RTEL1: variants seen among roughly 807,000 people sequenced by gnomAD.
RTEL1 encodes regulator of telomere length.
In RTEL1, 86 loss-of-function variants were observed where a neutral mutation model predicts 162.2. The ratio of observed to expected loss-of-function variants is 0.53; its 90% CI spans 0.45 to 0.63. The LOEUF (loss-of-function observed/expected upper bound fraction) is 0.63. Among genes scored for constraint, RTEL1 ranks in the 30% least tolerant of loss-of-function variants. The pLI is 0.00. For synonymous variants in RTEL1, 958 were observed against 717.9 expected (o/e 1.33, Z -5.35); for missense variants, 1,941 against 1,750.2 (o/e 1.11, Z -1.95).
intron 10 of RTEL1, among the ~76,000 whole-genome samples, chr20:63,676,047 A>G (rs901321834): frequency 4.6e-5 from 7 of 151,756 alleles, no homozygotes; most frequent in African/African-American, 1.5e-4. Flanking sequence ...TCAGGACCAG[A>G]ACTTCAGTTT....
Position 63,685,769 on chromosome 20 carries a change from C to T in RTEL1, c.1267-22C>T, listed in dbSNP as rs765962214. On this transcript the variant is annotated intron_variant, in intron 15 of 34. Coordinates refer to ENST00000360203, the MANE Select transcript of RTEL1 (RefSeq NM_001283009.2). Reference sequence around the variant, plus strand: ...CCAGGACATGGGCGGGGCCTCCACACTCCTGGTCCTGTCCCCTCCAGGTGC... The same window carrying T: ...CCAGGACATGGGCGGGGCCTCCACATTCCTGGTCCTGTCCCCTCCAGGTGC... The T allele has an allele frequency of 3.7e-6, 6 of 1,609,290 alleles. No homozygotes were observed. In the Admixed American group the frequency reaches 1.0e-4, roughly 27 times the overall value.
At chr20:63,695,005 TG>T (rs1299717489) in intron 32 of RTEL1, 31 bp downstream of exon 32, 2 of 1,609,164 alleles carry the variant, frequency 1.2e-6, no homozygotes, top group Admixed American at 3.3e-5. Flanking sequence ...GAACAGCCGG[TG>T]GGGTGGGGGG....
chr20:63,673,894 C>G (rs751636431), intron 9 of RTEL1, 46 bp from the exon 10 acceptor site: 1 of 1,547,870 alleles, frequency 6.5e-7, no homozygotes, highest in Non-Finnish European at 8.8e-7. Flanking sequence ...CTGGAACCCC[C>G]GATCCTGTCC....
At position 63,659,474 on chromosome 20, in the gene RTEL1, C is replaced by T. The variant is rs1424161739; in HGVS notation, c.72C>T (p.Tyr24=). ...PFQPYKCQQE[Y]MTKVLECLQQ... ...AGCCCTACAAATGCCAACAGGAGTACATGACCAAGGTCCTGGAATGTCTGC... is the reference window on the plus strand; with the variant it reads ...AGCCCTACAAATGCCAACAGGAGTATATGACCAAGGTCCTGGAATGTCTGC... The change falls in exon 2 of 35, where the codon TAC becomes TAT. Residue 24 remains tyrosine, a synonymous_variant. Transcript: ENST00000360203. The T allele has an allele frequency of 1.9e-6, 3 of 1,613,934 alleles. No individual in the cohort carries two copies.
chr20:63,693,374 G>A, intron 30 of RTEL1, 91 bp downstream of exon 30: 3 of 1,481,888 alleles, frequency 2.0e-6, no homozygotes, highest in Non-Finnish European at 1.8e-6. Flanking sequence ...GCATCCTCGG[G>A]CCCTGCTTGG....
chr20:63,693,097 C>G (rs2090799741), intron 29 of RTEL1, 46 bp from the exon 30 acceptor site: 3 of 1,611,882 alleles, frequency 1.9e-6, no homozygotes, highest in Non-Finnish European at 2.5e-6. Flanking sequence ...TCTCTGTTCT[C>G]TAGAGAAAAA....
intron 10 of RTEL1, among the ~76,000 whole-genome samples, chr20:63,674,943 T>C (rs926445264): frequency 1.3e-5 from 2 of 152,126 alleles, no homozygotes; most frequent in Middle Eastern, 3.4e-3. Context: ...GTTTCACTTT[T>C]GTTGCCCAGG....
Position 63,678,168 on chromosome 20 carries a change from A to G in RTEL1, c.943A>G (p.Ile315Val), listed in dbSNP as rs2090394752. ...SPGLNMELED[I>V]AKLKMILLRL... ...AGGGCTGAACATGGAGCTGGAAGAC[A>G]TTGCAAAGCTGAAGAGTAAGTGTTG... is the stretch of plus-strand genomic sequence containing the variant. Residue 315 changes from isoleucine to valine, a missense_variant, in exon 11 of 35, where the codon ATT becomes GTT. Coordinates refer to ENST00000360203, the MANE Select transcript of RTEL1 (RefSeq NM_001283009.2). 1 of 1,613,948 alleles carries G rather than the reference A, an allele frequency of 6.2e-7. No homozygotes were observed. The highest frequency in any genetic ancestry group is 8.5e-7 in the Non-Finnish European group (1 of 1,179,936).
chr20:63,694,815 G>A lies in RTEL1; in HGVS notation c.3184G>A (p.Ala1062Thr), dbSNP rs773397014. The A allele has an allele frequency of 2.6e-5, 42 of 1,612,342 alleles. No homozygotes were observed. Among genetic ancestry groups the A allele is most frequent in the Admixed American group, 1.5e-4 (9 of 59,984 alleles). Reference protein sequence around the residue: ...AGKQGQHAVSAYLADARRALG... With the variant: ...AGKQGQHAVSTYLADARRALG... ...GAAGCAGGGCCAGCACGCCGTGAGCGCCTACCTGGCTGATGCCCGCAGGGC... is the reference window on the plus strand; with the variant it reads ...GAAGCAGGGCCAGCACGCCGTGAGCACCTACCTGGCTGATGCCCGCAGGGC... Residue 1062 changes from alanine to threonine, a missense_variant, in exon 32 of 35, where the codon GCC (alanine) becomes ACC (threonine). Physicochemically the swap from Ala to Thr is moderately conservative, Grantham distance 58. Transcript: ENST00000360203.
chr20:63,659,633 G>A (rs2089978003), intron 2 of RTEL1, 129 bp downstream of exon 2: 1 of 728,856 alleles, frequency 1.4e-6, no homozygotes, highest in South Asian at 1.5e-5. Context: ...TCATAAAAAG[G>A]GCTGGTGTTC....
rs1285014916 is a variant in RTEL1 at position 63,693,243 on chromosome 20, TC to T, written c.2956del (p.Arg986GlufsTer21). The T allele has an allele frequency of 6.2e-7, 1 of 1,611,906 alleles. No homozygotes were observed. ...GCGYRPEHSI[P>X]RRQRAQPVLD... Reference sequence around the variant, plus strand: ...GTGGCTATCGGCCTGAGCACAGCATTCCCCGAAGGCAGCGGGCACAGCCGGT... The same window carrying T: ...GTGGCTATCGGCCTGAGCACAGCATTCCCGAAGGCAGCGGGCACAGCCGGT... On this transcript the variant is annotated frameshift_variant, in exon 30 of 35. Coordinates refer to ENST00000360203, the MANE Select transcript of RTEL1 (RefSeq NM_001283009.2). LOFTEE classifies it high-confidence loss of function.
At position 63,688,326 on chromosome 20, in the gene RTEL1, T is replaced by C; in HGVS notation, c.1662T>C (p.Tyr554=). The C allele has an allele frequency of 1.2e-6, 2 of 1,612,576 alleles. No individual in the cohort carries two copies. Among genetic ancestry groups the C allele is most frequent in the Non-Finnish European group, 1.7e-6 (2 of 1,179,958 alleles). ...ALGNIARVVP[Y]GLLIFFPSYP... is the part of the protein sequence containing the mutation. ...GCAACATCGCCCGCGTGGTGCCCTA[T>C]GGGCTCCTGATCTTCTTCCCTTCCT... The change falls in exon 20 of 35, where the codon TAT becomes TAC. Residue 554 remains tyrosine (Y), a synonymous_variant. Coordinates refer to ENST00000360203, the MANE Select transcript of RTEL1 (RefSeq NM_001283009.2).
intron 14 of RTEL1, chr20:63,681,666 A>ACGCAGCTCTGAG (rs2090480111): frequency 2.0e-6 from 2 of 985,152 alleles, no homozygotes. Flanking sequence ...TCCTTCACAG[A>ACGCAGCTCTGAG]CGCAGCTCTG....
chr20:63,694,714 C>G, intron 31 of RTEL1, 27 bp from the exon 32 acceptor site: 1 of 1,565,508 alleles, frequency 6.4e-7, no homozygotes, highest in South Asian at 1.1e-5. Context: ...CCCAGCGCCA[C>G]TCTGAGCCAT....
chr20:63,689,999 C>A, intron 24 of RTEL1, 88 bp from the exon 25 acceptor site: 3 of 1,567,986 alleles, frequency 1.9e-6, no homozygotes, highest in South Asian at 2.3e-5. Context: ...AGCGTGGGGC[C>A]CCTGCAGCAG....
intron 7 of RTEL1, among the ~76,000 whole-genome samples, chr20:63,666,902 C>CAT (rs1569084683): frequency 5.6e-5 from 8 of 142,148 alleles, no homozygotes; most frequent in African/African-American, 1.6e-4. Context: ...TGCAGTGGTG[C>CAT]GATCTCGGCT....
At chr20:63,665,901 C>T (rs1164219279) in intron 6 of RTEL1, 103 bp from the exon 7 acceptor site, 2 of 1,063,474 alleles carry the variant, frequency 1.9e-6, no homozygotes, top group Admixed American at 4.6e-5. Context: ...GGACGCCCAG[C>T]CCTGCCCGCC....
In RTEL1 at chr20:63,667,554, G is replaced by A; in HGVS notation, c.699+1G>A. The A allele has an allele frequency of 6.2e-7, 1 of 1,613,164 alleles. No individual in the cohort carries two copies. The highest frequency in any genetic ancestry group is 8.5e-7 in the Non-Finnish European group (1 of 1,179,184). On this transcript the variant is annotated splice_donor_variant, in intron 8 of 34. Transcript: ENST00000360203. LOFTEE classifies it high-confidence loss of function. ...GTACAATTACTTGTTGGATGCCAAG[G>A]TGGGGGCTCAGTCCTGTAGCTGACG...
At chr20:63,671,507 G>A (rs989235851) in intron 8 of RTEL1, among the ~76,000 whole-genome samples, 5 of 151,140 alleles carry the variant, frequency 3.3e-5, no homozygotes, top group Admixed American at 2.6e-4. Flanking sequence ...TTTGAGACGG[G>A]GTCTTGCTCT....
Sources: gnomAD v4.1 joint callset for allele counts (sites outside exome capture counted in the v4.1 genomes callset) on GRCh38, gnomAD v4.1.1 for gene constraint, MANE v1.5 for transcripts, NCBI Gene and HGNC (gene_info 2026-07-23, HGNC 2026-07-21) for gene names.